The following NBAS variants were observed in gnomAD, a reference collection of about 807,000 sequenced individuals.
The protein encoded by NBAS is NBAS subunit of NRZ tethering complex.
In NBAS, 219 loss-of-function variants were observed where a neutral mutation model predicts 302.5. The ratio of observed to expected loss-of-function variants is 0.72; its 90% confidence interval spans 0.65 to 0.81. NBAS has a LOEUF of 0.81. Ranked by LOEUF, NBAS falls within the 30% of genes least tolerant of loss-of-function variation. The probability of loss-of-function intolerance (pLI) is 0.00; values close to 1 mark genes in which losing one functional copy is unlikely to be tolerated. For synonymous variants in NBAS, 1,118 were observed against 1,021.6 expected (o/e 1.09, Z -1.80); for missense variants, 2,932 against 2,841.6 (o/e 1.03, Z -0.72).
At chr2:15,304,123 T>C (rs562232192) in intron 40 of NBAS, among the ~76,000 whole-genome samples, 32 of 152,332 alleles carry the variant, frequency 2.1e-4, no homozygotes, top group African/African-American at 7.7e-4. Context: ...ATAATCCCTA[T>C]AATCCCCATG....
the NBAS span, among the ~76,000 whole-genome samples, chr2:15,050,385 A>C: frequency 6.6e-6 from 1 of 151,672 alleles, no homozygotes; most frequent in Non-Finnish European, 1.5e-5. Context: ...GTGGCTTCAA[A>C]GTTAAATATT....
the NBAS span, among the ~76,000 whole-genome samples, chr2:15,108,077 C>T: frequency 6.7e-6 from 1 of 149,358 alleles, no homozygotes; most frequent in African/African-American, 2.6e-5. Context: ...TCTGTGTATC[C>T]ATTCACCTGT....
intron 11 of NBAS, among the ~76,000 whole-genome samples, chr2:15,502,933 A>C (rs1353395555): frequency 6.6e-6 from 1 of 152,232 alleles, no homozygotes; most frequent in East Asian, 1.9e-4. Context: ...CAAACATGCT[A>C]TACATACATC....
At chr2:14,903,442 C>T in the NBAS span, among the ~76,000 whole-genome samples, 3 of 152,022 alleles carry the variant, frequency 2.0e-5, no homozygotes, top group Admixed American at 2.0e-4. Context: ...CTTGTGTGTT[C>T]AGAAGACACC....
the NBAS span, among the ~76,000 whole-genome samples, chr2:15,027,399 T>C: frequency 6.6e-6 from 1 of 151,608 alleles, no homozygotes; most frequent in Non-Finnish European, 1.5e-5. Flanking sequence ...TGTCACTGTG[T>C]ATACTTTAGA....
chr2:14,810,781 AG>A, the NBAS span, among the ~76,000 whole-genome samples: 13 of 152,246 alleles, frequency 8.5e-5, no homozygotes, highest in African/African-American at 3.1e-4. Flanking sequence ...ACATAGTAAA[AG>A]CATGATAAGT....
chr2:15,275,426 G>T, intron 44 of NBAS, 58 bp downstream of exon 44: 1 of 1,481,500 alleles, frequency 6.7e-7, no homozygotes, highest in South Asian at 1.2e-5. Flanking sequence ...CAGAATGTAG[G>T]AGAAATTTTC....
chr2:15,276,520 G>T (rs1669588729), intron 43 of NBAS, among the ~76,000 whole-genome samples: 1 of 152,118 alleles, frequency 6.6e-6, no homozygotes. Context: ...CTATTATAAA[G>T]TGTCTTGGCC....
chr2:15,228,426 T>A (rs1028130051), intron 47 of NBAS, among the ~76,000 whole-genome samples: 2 of 152,198 alleles, frequency 1.3e-5, no homozygotes, highest in Non-Finnish European at 2.9e-5. Context: ...GAAAACAGAA[T>A]GGAGGTTCCC....
At chr2:15,295,586 A>G (rs1448840674) in intron 40 of NBAS, among the ~76,000 whole-genome samples, 1 of 152,244 alleles carries the variant, frequency 6.6e-6, no homozygotes, top group Non-Finnish European at 1.5e-5. Context: ...TTCCAAAAAT[A>G]AAAGGAATTA....
At chr2:15,201,274 A>G (rs1365145035) in intron 48 of NBAS, among the ~76,000 whole-genome samples, 1 of 152,242 alleles carries the variant, frequency 6.6e-6, no homozygotes, top group Non-Finnish European at 1.5e-5. Context: ...AAGGCTTCAA[A>G]AAACAGAATG....
intron 13 of NBAS, 93 bp downstream of exon 13, chr2:15,478,133 A>T: frequency 1.1e-6 from 1 of 935,194 alleles, no homozygotes; most frequent in Non-Finnish European, 1.7e-6. Flanking sequence ...GTGCAGCAAA[A>T]GTATCTAGAG....
At chr2:15,376,817 T>C (rs193062824) in intron 30 of NBAS, among the ~76,000 whole-genome samples, 178 of 152,214 alleles carry the variant, frequency 1.2e-3, no homozygotes, top group Non-Finnish European at 1.8e-3. Context: ...CTGTAAACAC[T>C]AAAATACACC....
the NBAS span, among the ~76,000 whole-genome samples, chr2:14,964,958 A>G: frequency 2.0e-5 from 3 of 152,196 alleles, no homozygotes; most frequent in Non-Finnish European, 4.4e-5. Context: ...AGAATAAATC[A>G]AAAGGGAAGT....
rs1376089329 is a variant in NBAS, at chr2:15,292,754, C to G, written c.4810G>C (p.Glu1604Gln). 6.2e-7 allele frequency: 1 copy of G among 1,614,158 alleles called. No individual in the cohort carries two copies. ...TGCCTGGTGACCATCTTGATTAGTTCTTTGGGATCAGCCTATGAAAGACAT... is the reference window on the plus strand; with the variant it reads ...TGCCTGGTGACCATCTTGATTAGTTGTTTGGGATCAGCCTATGAAAGACAT... ...CHPLYRADPK[E>Q]LIKMVTRHVT... Residue 1604 changes from glutamate to glutamine, a missense_variant, in exon 41 of 52, where the codon GAA becomes CAA. Transcript: ENST00000281513.
At chr2:15,069,700 G>GA in the NBAS span, among the ~76,000 whole-genome samples, 3 of 151,076 alleles carry the variant, frequency 2.0e-5, no homozygotes, top group Non-Finnish European at 3.0e-5. Context: ...CATGTTAAGA[G>GA]AAAAAAAAAG....
At chr2:15,033,655 A>T in the NBAS span, among the ~76,000 whole-genome samples, 2 of 152,178 alleles carry the variant, frequency 1.3e-5, no homozygotes, top group Non-Finnish European at 2.9e-5. Flanking sequence ...CATGAATGAG[A>T]TGAACTCTCT....
intron 3 of NBAS, among the ~76,000 whole-genome samples, 153 bp from the exon 4 acceptor site, chr2:15,554,291 T>C (rs1664539517): frequency 6.6e-6 from 1 of 152,120 alleles, no homozygotes; most frequent in Admixed American, 6.5e-5. Flanking sequence ...CCAAAGTTAC[T>C]ATTTGGTAGC....
the NBAS span, among the ~76,000 whole-genome samples, chr2:15,008,825 T>G: frequency 1.6e-4 from 24 of 152,324 alleles, no homozygotes; most frequent in East Asian, 4.2e-3. Context: ...AAATTTAAAT[T>G]TTAAAAACAC....
Sources: allele counts gnomAD v4.1 joint callset (sites outside exome capture counted in the v4.1 genomes callset), GRCh38; gene constraint gnomAD v4.1.1; transcripts MANE v1.5; gene names NCBI Gene and HGNC (gene_info 2026-07-23, HGNC 2026-07-21).